The following SLC22A7 variants were observed in gnomAD, a reference collection of about 807,000 sequenced individuals.
SLC22A7 encodes the protein solute carrier family 22 member 7.
SLC22A7 carries 48 observed loss-of-function variants against 62.2 expected under a neutral mutation model. The ratio of observed to expected loss-of-function variants is 0.77; its 90% confidence interval spans 0.61 to 0.98. The LOEUF (loss-of-function observed/expected upper bound fraction) is 0.98, where lower values mean the gene tolerates loss of function less well. Among genes scored for constraint, SLC22A7 ranks in the 50% least tolerant of loss-of-function variants. The pLI, the probability that SLC22A7 is intolerant of heterozygous loss-of-function variation, is 0.00. For synonymous variants in SLC22A7, 276 were observed against 314.8 expected, an observed-to-expected ratio of 0.88 and a Z score of 1.30; for missense variants, 581 against 703.8, an observed-to-expected ratio of 0.83 and a Z score of 1.97.
Position 43,304,148 on chromosome 6 carries a change from G to T in SLC22A7, c.1496G>T (p.Gly499Val). The T allele has an allele frequency of 6.2e-7, 1 of 1,606,634 alleles. No individual in the cohort carries two copies. Among genetic ancestry groups the T allele is most frequent in the Non-Finnish European group, 8.5e-7 (1 of 1,175,400 alleles). The change falls in exon 10 of 11, where the codon GGG (glycine) becomes GTG (valine). Residue 499 changes from glycine to valine, a missense_variant. Physicochemically the swap from Gly to Val is moderately radical, Grantham distance 109. Coordinates refer to ENST00000372585, the MANE Select transcript of SLC22A7 (RefSeq NM_153320.2). ...CTGTCACTGCCCAAGCTTACTTATGGGGGGATCGCCCTGCTGGCTGCCGGC... is the reference window on the plus strand; with the variant it reads ...CTGTCACTGCCCAAGCTTACTTATGTGGGGATCGCCCTGCTGGCTGCCGGC... ...VWLSLPKLTY[G>V]GIALLAAGTA...
Position 43,302,634 on chromosome 6 carries a change from C to T in SLC22A7, c.1277-21C>T, listed in dbSNP as rs552709477. On this transcript the variant is annotated intron_variant, in intron 8 of 10. Coordinates refer to ENST00000372585, the MANE Select transcript of SLC22A7 (RefSeq NM_153320.2). The surrounding 1 kb of genome is among the most constrained non-coding windows in gnomAD (Gnocchi z 5.0). ...GCTCTCCTCCAAGGCCCTCTCACTA[C>T]CTGAACCCGCTTCCCTCCAGATATG... The T allele has an allele frequency of 4.5e-5, 70 of 1,565,418 alleles. No homozygotes were observed. The highest frequency in any genetic ancestry group is 5.8e-5 in the Non-Finnish European group (67 of 1,145,766).
chr6:43,298,947 T>G (rs1562111871), intron 1 of SLC22A7, 145 bp from the exon 2 acceptor site: 1 of 1,115,614 alleles, frequency 9.0e-7, no homozygotes, highest in Non-Finnish European at 1.3e-6. Flanking sequence ...AGAACTGTTA[T>G]CATCATCATT....
At position 43,302,702 on chromosome 6, in the gene SLC22A7, T is replaced by A; in HGVS notation, c.1324T>A (p.Ser442Thr). Residue 442 changes from serine (S) to threonine (T), a missense_variant, in exon 9 of 11, where the codon TCT becomes ACT. Transcript: ENST00000372585. The surrounding 1 kb of genome is among the most constrained non-coding windows in gnomAD (Gnocchi z 5.0). ...TVLAVMGKAF[S>T]EAAFTTAYLF... is the part of the protein sequence containing the mutation. The stretch of plus-strand genomic sequence containing the variant: ...CCTGGCAGTGATGGGGAAAGCTTTT[T>A]CTGAAGCTGCCTTCACCACTGCCTA... 6.2e-7 allele frequency: 1 copy of A among 1,609,772 alleles called. No individual in the cohort carries two copies. The highest frequency in any genetic ancestry group is 8.5e-7 in the Non-Finnish European group (1 of 1,177,588).
In SLC22A7 at chr6:43,302,359, C is replaced by A. The variant is rs2651184; in HGVS notation, c.1221C>A (p.Ala407=). Residue 407 remains alanine (A), a synonymous_variant, in exon 8 of 11, where the codon GCC becomes GCA. Transcript: ENST00000372585. The surrounding 1 kb of genome is among the most constrained non-coding windows in gnomAD (Gnocchi z 5.0). ...VRYAGRRLTQ[A]GTLLGTALAF... ...ACGCAGGACGCCGCCTCACGCAAGCCGGGACACTGCTGGGCACGGCCCTGG... is the reference window on the plus strand; with the variant it reads ...ACGCAGGACGCCGCCTCACGCAAGCAGGGACACTGCTGGGCACGGCCCTGG... 1.2e-6 allele frequency: 2 copies of A among 1,612,540 alleles called. No individual in the cohort carries two copies. Among genetic ancestry groups the A allele is most frequent in the Non-Finnish European group, 1.7e-6 (2 of 1,179,846 alleles).
rs1234338950 is a variant in SLC22A7, at chr6:43,301,266, TG to T, written c.951+9del. ...GACAGCTTCAGCCAGGAGGTGAGGG[TG>T]AACGTGTGTGTGAGCATGCATATAT... On this transcript the variant is annotated intron_variant, in intron 6 of 10. Transcript: ENST00000372585. The T allele has an allele frequency of 3.1e-6, 5 of 1,613,832 alleles. No homozygotes were observed. The highest frequency in any genetic ancestry group is 1.6e-4 in the Middle Eastern group (1 of 6,078).
At chr6:43,303,839 G>A (rs1004699460) in intron 9 of SLC22A7, among the ~76,000 whole-genome samples, 199 bp from the exon 10 acceptor site, 7 of 152,190 alleles carry the variant, frequency 4.6e-5, no homozygotes, top group African/African-American at 1.7e-4. Flanking sequence ...TGGGGGCCCT[G>A]TCCTCTGGTG....
At chr6:43,301,060 A>G in intron 5 of SLC22A7, 75 bp from the exon 6 acceptor site, 4 of 1,584,140 alleles carry the variant, frequency 2.5e-6, no homozygotes, top group Non-Finnish European at 3.5e-6. Context: ...GGAAGTTGAG[A>G]GCCTGTAGTA....
Position 43,299,891 on chromosome 6 carries a change from G to A in SLC22A7, c.659-7G>A, listed in dbSNP as rs768233540. On this transcript the variant is annotated splice_region_variant and splice_polypyrimidine_tract_variant and intron_variant, in intron 4 of 10. Coordinates refer to ENST00000372585, the MANE Select transcript of SLC22A7 (RefSeq NM_153320.2). The surrounding 1 kb of genome is among the most constrained non-coding windows in gnomAD (Gnocchi z 4.4). ...TAACCATCTTCCTGTCTCCTGTCCT[G>A]GCCCAGAGCTGGAGTGGCTGGATGT... is the stretch of plus-strand genomic sequence containing the variant. The A allele has an allele frequency of 3.1e-6, 5 of 1,614,192 alleles. No individual in the cohort carries two copies. In the South Asian group the frequency reaches 4.4e-5, roughly 14 times the overall value.
chr6:43,302,575 C>G lies in SLC22A7; in HGVS notation c.1277-80C>G, dbSNP rs187869869. On this transcript the variant is annotated intron_variant, in intron 8 of 10. Transcript: ENST00000372585. The surrounding 1 kb of genome is among the most constrained non-coding windows in gnomAD (Gnocchi z 5.0). ...CTCCACCACTTAAGTTTGGCCCACT[C>G]TGGAGACTCCGCACCCTATCCAGAA... The G allele has an allele frequency of 1.5e-5, 19 of 1,254,924 alleles. No individual in the cohort carries two copies. In the Admixed American group the frequency reaches 3.6e-4, roughly 24 times the overall value. 77.7% of individuals were successfully genotyped at this position (1,254,924 alleles called of 1,614,324 possible).
intron 1 of SLC22A7, 137 bp from the exon 2 acceptor site, chr6:43,298,955 A>G (rs762727564): frequency 6.5e-5 from 74 of 1,139,190 alleles, no homozygotes; most frequent in South Asian, 4.3e-4. Context: ...TATCATCATC[A>G]TTAATTGGGA....
Position 43,304,234 on chromosome 6 carries a change from G to C in SLC22A7, c.1582G>C (p.Glu528Gln), listed in dbSNP as rs747151465. Residue 528 changes from glutamate to glutamine, a missense_variant, in exon 10 of 11, where the codon GAG becomes CAG. Coordinates refer to ENST00000372585, the MANE Select transcript of SLC22A7 (RefSeq NM_153320.2). ...GCTGCCAGAGACCATCCAGGACGTG[G>C]AGAGAAAGAGGTGTGTGCACAGGAC... ...AQLPETIQDV[E>Q]RKSAPTSLQE... The C allele has an allele frequency of 6.4e-7, 1 of 1,562,158 alleles. No homozygotes were observed. Among genetic ancestry groups the C allele is most frequent in the Non-Finnish European group, 8.7e-7 (1 of 1,152,534 alleles).
At chr6:43,304,541 G>C (rs1473516803) in intron 10 of SLC22A7, 130 bp from the exon 11 acceptor site, 8 of 738,408 alleles carry the variant, frequency 1.1e-5, no homozygotes, top group Non-Finnish European at 1.6e-5. Context: ...AAGCATGTGT[G>C]TGAGTCACTT....
At chr6:43,296,151 C>T (rs564649335), upstream of SLC22A7, among the ~76,000 whole-genome samples, 5 of 152,316 alleles carry the variant, frequency 3.3e-5, no homozygotes, top group East Asian at 7.7e-4. Context: ...GTGACCCACC[C>T]GCCTTGGCCT....
Position 43,302,601 on chromosome 6 carries a change from C to T in SLC22A7, c.1277-54C>T, listed in dbSNP as rs1172169333. ...TGGAGACTCCGCACCCTATCCAGAA[C>T]ACCCCTGGCTCTCCTCCAAGGCCCT... On this transcript the variant is annotated intron_variant, in intron 8 of 10. Transcript: ENST00000372585. The surrounding 1 kb of genome is among the most constrained non-coding windows in gnomAD (Gnocchi z 5.0). 4.3e-6 allele frequency: 6 copies of T among 1,384,612 alleles called. No homozygotes were observed. Among genetic ancestry groups the T allele is most frequent in the South Asian group, 3.7e-5 (3 of 81,208 alleles). 85.8% of individuals were successfully genotyped at this position (1,384,612 alleles called of 1,614,324 possible). A position where few individuals can be genotyped will look rare whatever the true frequency, so the allele number is the denominator to read the frequency against.
intron 6 of SLC22A7, 131 bp downstream of exon 6, chr6:43,301,389 C>T (rs1778741606): frequency 4.4e-6 from 6 of 1,365,110 alleles, no homozygotes; most frequent in Admixed American, 2.0e-5. Flanking sequence ...GAGTTCCGAA[C>T]TCTTTAGGAT....
At position 43,299,144 on chromosome 6, in the gene SLC22A7, A is replaced by G. The variant is rs756953023; in HGVS notation, c.399+47A>G. 1 of 1,613,974 alleles carries G rather than the reference A, an allele frequency of 6.2e-7. No individual in the cohort carries two copies. The highest frequency in any genetic ancestry group is 2.2e-5 in the East Asian group (1 of 44,886). The stretch of plus-strand genomic sequence containing the variant: ...CTGGAGGTGGAATGTCGGTGGAGGC[A>G]GTCTCCCTGGGAGGCAGCAGGTCGA... On this transcript the variant is annotated intron_variant, in intron 2 of 10. Coordinates refer to ENST00000372585, the MANE Select transcript of SLC22A7 (RefSeq NM_153320.2). This position sits in a 1 kb window ranked among gnomAD's most constrained non-coding sequence, Gnocchi z 4.4.
intron 7 of SLC22A7, 88 bp downstream of exon 7, chr6:43,301,780 G>A (rs1342304077): frequency 3.4e-6 from 3 of 890,720 alleles, no homozygotes; most frequent in Non-Finnish European, 5.2e-6. Flanking sequence ...AGGGCTCTGA[G>A]GGACAAGTAG....
rs1466579858 is a variant in SLC22A7, at chr6:43,299,158, G to A, written c.399+61G>A. On this transcript the variant is annotated intron_variant, in intron 2 of 10. Transcript: ENST00000372585. The surrounding 1 kb of genome is among the most constrained non-coding windows in gnomAD (Gnocchi z 4.4). ...TCGGTGGAGGCAGTCTCCCTGGGAG[G>A]CAGCAGGTCGAGGCCTTCCTTGGGA... 6.2e-7 allele frequency: 1 copy of A among 1,614,080 alleles called. No individual in the cohort carries two copies. Among genetic ancestry groups the A allele is most frequent in the South Asian group, 1.1e-5 (1 of 91,076 alleles).
In SLC22A7 at chr6:43,304,975, C is replaced by A; in HGVS notation, c.*250C>A. On this transcript the variant is annotated 3_prime_UTR_variant, in exon 11 of 11. Coordinates refer to ENST00000372585, the MANE Select transcript of SLC22A7 (RefSeq NM_153320.2). ...GAGGATTCTGTAAATAAAGGTGCCC[C>A]TTGGGTTGGGGCAGTGGTGACGAGC... 2.7e-6 allele frequency: 1 copy of A among 376,174 alleles called. No homozygotes were observed. Among genetic ancestry groups the A allele is most frequent in the Admixed American group, 4.4e-5 (1 of 22,858 alleles). 23.3% of individuals were successfully genotyped at this position (376,174 alleles called of 1,614,324 possible).
Sources: allele counts gnomAD v4.1 joint callset (sites outside exome capture counted in the v4.1 genomes callset), GRCh38; gene constraint gnomAD v4.1.1; non-coding constraint Gnocchi (gnomAD v3.1); transcripts MANE v1.5; gene names NCBI Gene and HGNC (gene_info 2026-07-23, HGNC 2026-07-21).